CAMK1D: variants seen among roughly 807,000 people sequenced by gnomAD.
CAMK1D encodes the protein calcium/calmodulin dependent protein kinase ID.
CAMK1D carries 9 observed loss-of-function variants against 47.7 expected under a neutral mutation model. The observed-to-expected ratio is 0.19, with a 90% CI of 0.11 to 0.33. The LOEUF (loss-of-function observed/expected upper bound fraction) is 0.33. Among genes scored for constraint, CAMK1D ranks in the 10% least tolerant of loss-of-function variants. CAMK1D has a pLI of 1.00. For missense variants in CAMK1D, 291 were observed against 488.7 expected (o/e 0.60, Z 3.81); for synonymous variants, 184 against 184.9 (o/e 0.99, Z 0.04).
chr10:12,396,953 T>C lies in CAMK1D; in HGVS notation c.92+47043T>C, dbSNP rs1838985066. ...TCTGTGTTTGGCCCACAGCTGTGTT[T>C]GTGTGATTTTAAAACAATTTATCGC... On this transcript the variant is annotated intron_variant, in intron 1 of 10. Transcript: ENST00000619168. Among the ~76,000 whole-genome samples the C allele has an allele frequency of 3.9e-5, 6 of 152,336 alleles. No individual in the cohort carries two copies. In the South Asian group the frequency reaches 1.2e-3, roughly 32 times the overall value.
chr10:12,629,984 A>T (rs1839329547), intron 2 of CAMK1D, among the ~76,000 whole-genome samples: 2 of 152,182 alleles, frequency 1.3e-5, no homozygotes, highest in African/African-American at 4.8e-5. Context: ...TCTCTGAGAG[A>T]TGGTCTGTTC....
At chr10:12,354,294 A>G (rs942538245) in intron 1 of CAMK1D, among the ~76,000 whole-genome samples, 3 of 152,146 alleles carry the variant, frequency 2.0e-5, no homozygotes, top group African/African-American at 7.2e-5. Context: ...TGGTTCAGCC[A>G]TGAGGGGTTT....
rs80255475 is a variant in CAMK1D at position 12,446,052 on chromosome 10, A to G, written c.92+96142A>G. On this transcript the variant is annotated intron_variant, in intron 1 of 10. Coordinates refer to ENST00000619168, the MANE Select transcript of CAMK1D (RefSeq NM_153498.4). ...TTCATTTCTTTTGCAGATATGAAAT[A>G]CAGTCTCTTTGCCTCAATTATTACT... Among the ~76,000 whole-genome samples the G allele has an allele frequency of 9.4e-3, 1,425 of 152,312 alleles. 18 individuals carry two copies. The highest frequency in any genetic ancestry group is 0.033 in the African/African-American group (1,370 of 41,550).
chr10:12,730,560 G>C (rs1747499277), intron 3 of CAMK1D, among the ~76,000 whole-genome samples: 1 of 152,192 alleles, frequency 6.6e-6, no homozygotes, highest in Admixed American at 6.5e-5. Context: ...CCACGAGCCA[G>C]GATGAGAGCA....
chr10:12,468,612 CAGG>C (rs1833658987), intron 1 of CAMK1D, among the ~76,000 whole-genome samples: 1 of 152,178 alleles, frequency 6.6e-6, no homozygotes, highest in African/African-American at 2.4e-5. Flanking sequence ...CAGCCCCACA[CAGG>C]AGCACTGCCT....
intron 2 of CAMK1D, among the ~76,000 whole-genome samples, chr10:12,582,754 G>T (rs913402334): frequency 1.3e-5 from 2 of 152,158 alleles, no homozygotes; most frequent in African/African-American, 4.8e-5. Flanking sequence ...TCATTTATCA[G>T]AAGTGTGCTT....
At chr10:12,430,432 G>T (rs1832432034) in intron 1 of CAMK1D, among the ~76,000 whole-genome samples, 2 of 152,210 alleles carry the variant, frequency 1.3e-5, no homozygotes, top group Non-Finnish European at 2.9e-5. Context: ...ACTTGAAGGG[G>T]ATCAGTGTGC....
intron 1 of CAMK1D, among the ~76,000 whole-genome samples, chr10:12,482,304 G>A (rs932296608): frequency 1.3e-5 from 2 of 152,162 alleles, no homozygotes; most frequent in African/African-American, 2.4e-5. Context: ...AGGGAATGAG[G>A]CCCTTCCCGC....
chr10:12,689,552 G>A lies in CAMK1D; in HGVS notation c.299+22742G>A, dbSNP rs968592523. On this transcript the variant is annotated intron_variant, in intron 3 of 10. Coordinates refer to ENST00000619168, the MANE Select transcript of CAMK1D (RefSeq NM_153498.4). ...AGCACTTTGGGAGGCCGAGGCGGGC[G>A]GATCACCTGAGGCCAGGAGTTGGAG... 5.3e-5 allele frequency among the ~76,000 whole-genome samples: 8 copies of A among 152,038 alleles called. No individual in the cohort carries two copies. In the East Asian group the frequency reaches 1.2e-3, roughly 22 times the overall value.
At chr10:12,661,779 G>C (rs997573900) in intron 2 of CAMK1D, among the ~76,000 whole-genome samples, 1 of 152,214 alleles carries the variant, frequency 6.6e-6, no homozygotes, top group Non-Finnish European at 1.5e-5. Flanking sequence ...CTATAGACTG[G>C]AAAGCTTGAC....
At position 12,533,399 on chromosome 10, in the gene CAMK1D, T is replaced by G. The variant is rs189369303; in HGVS notation, c.93-19826T>G. ...CCAAGTACCATCTCCTGGTTATCAT[T>G]CCATAAAGTGATTCTGTCCTCCTTT... On this transcript the variant is annotated intron_variant, in intron 1 of 10. Transcript: ENST00000619168. 3.9e-5 allele frequency among the ~76,000 whole-genome samples: 6 copies of G among 152,294 alleles called. No individual in the cohort carries two copies. The East Asian group carries it at 1.2e-3, about 29-fold the overall frequency.
At chr10:12,463,937 G>A (rs1833514427) in intron 1 of CAMK1D, among the ~76,000 whole-genome samples, 3 of 152,082 alleles carry the variant, frequency 2.0e-5, no homozygotes, top group Admixed American at 6.6e-5. Context: ...GCCTTGTGAA[G>A]AAGATGCCTT....
intron 8 of CAMK1D, 51 bp from the exon 9 acceptor site, chr10:12,824,414 G>C (rs369577171): frequency 6.6e-7 from 1 of 1,516,794 alleles, no homozygotes; most frequent in African/African-American, 1.4e-5. Flanking sequence ...GGGACGCAGT[G>C]TCAGGGCCCA....
chr10:12,358,390 C>T lies in CAMK1D; in HGVS notation c.92+8480C>T, dbSNP rs561237945. ...CTCTACTAAAAACACCAAAATTAGC[C>T]GGCATGGTGTTGCATGCCTGTAATC... is the stretch of plus-strand genomic sequence containing the variant. On this transcript the variant is annotated intron_variant, in intron 1 of 10. Transcript: ENST00000619168. Among the ~76,000 whole-genome samples, 69 of 152,088 alleles carry T rather than the reference C, an allele frequency of 4.5e-4. 2 individuals carry two copies. The East Asian group carries it at 0.012, about 27-fold the overall frequency.
intron 1 of CAMK1D, among the ~76,000 whole-genome samples, chr10:12,412,693 CAAAAAAAAAAAA>C (rs571912414): frequency 2.2e-5 from 1 of 45,158 alleles, no homozygotes; most frequent in South Asian, 6.6e-4. Flanking sequence ...GAGACGCCAT[CAAAAAAAAAAAA>C]AAAAAAAAGA....
At chr10:12,373,401 G>A (rs1838063097) in intron 1 of CAMK1D, among the ~76,000 whole-genome samples, 1 of 152,028 alleles carries the variant, frequency 6.6e-6, no homozygotes, top group South Asian at 2.1e-4. Context: ...GGAAGCCAAC[G>A]CGGGTGGGTC....
intron 1 of CAMK1D, among the ~76,000 whole-genome samples, chr10:12,452,876 T>G (rs1833129951): frequency 1.3e-5 from 2 of 152,062 alleles, no homozygotes; most frequent in South Asian, 2.1e-4. Context: ...CCATTTTGAC[T>G]GTTTTTAAGA....
Position 12,584,626 on chromosome 10 carries a change from C to T in CAMK1D, c.224+31270C>T, listed in dbSNP as rs1233581255. Reference sequence around the variant, plus strand: ...CTTGAGTCCTGGAGTTTGAGACCAGCCTGGGCAACATGGCAAAACCACAGC... The same window carrying T: ...CTTGAGTCCTGGAGTTTGAGACCAGTCTGGGCAACATGGCAAAACCACAGC... On this transcript the variant is annotated intron_variant, in intron 2 of 10. Transcript: ENST00000619168. 3.3e-5 allele frequency among the ~76,000 whole-genome samples: 5 copies of T among 151,904 alleles called. No homozygotes were observed. In the East Asian group the frequency reaches 9.6e-4, roughly 29 times the overall value.
At chr10:12,545,584 G>A (rs1270069859) in intron 1 of CAMK1D, among the ~76,000 whole-genome samples, 2 of 151,376 alleles carry the variant, frequency 1.3e-5, no homozygotes, top group Non-Finnish European at 2.9e-5. Flanking sequence ...GGCGGATCAC[G>A]AGGTCAGGAG....
Sources: gnomAD v4.1 joint callset for allele counts (sites outside exome capture counted in the v4.1 genomes callset) on GRCh38, gnomAD v4.1.1 for gene constraint, MANE v1.5 for transcripts, NCBI Gene and HGNC (gene_info 2026-07-23, HGNC 2026-07-21) for gene names.